BBOX1: variants seen among roughly 807,000 people sequenced by gnomAD.
BBOX1 encodes the protein gamma-butyrobetaine hydroxylase 1.
BBOX1 carries 35 observed loss-of-function variants against 41.6 expected under a neutral mutation model. That is an observed-to-expected ratio of 0.84 (90% CI 0.64 to 1.11). BBOX1 has a LOEUF of 1.11. Among genes scored for constraint, BBOX1 ranks in the 50% most tolerant of loss-of-function variants. The pLI, the probability that BBOX1 is intolerant of heterozygous loss-of-function variation, is 0.00. For synonymous variants in BBOX1, 163 were observed against 154.7 expected, an observed-to-expected ratio of 1.05 and a Z score of -0.40; for missense variants, 458 against 460.6, an observed-to-expected ratio of 0.99 and a Z score of 0.05.
intron 2 of BBOX1, among the ~76,000 whole-genome samples, chr11:27,047,832 T>C (rs1445328): frequency 0.21 from 31,267 of 151,918 alleles, 4,128 homozygotes; most frequent in African/African-American, 0.38. Context: ...GTAAGTGGCA[T>C]AAAGAAAGCA....
chr11:27,109,048 T>C (rs927309245), intron 5 of BBOX1, among the ~76,000 whole-genome samples: 10 of 152,124 alleles, frequency 6.6e-5, no homozygotes, highest in Non-Finnish European at 1.2e-4. Flanking sequence ...AAAGTATTTG[T>C]TGTACTCTAA....
intron 4 of BBOX1, among the ~76,000 whole-genome samples, chr11:27,064,594 CAAAG>C (rs768065466): frequency 6.6e-6 from 1 of 152,012 alleles, no homozygotes; most frequent in Non-Finnish European, 1.5e-5. Context: ...GCCTGCTGCT[CAAAG>C]AAAGACCATG....
At chr11:27,061,139 T>C (rs1175945291) in intron 4 of BBOX1, among the ~76,000 whole-genome samples, 1 of 152,216 alleles carries the variant, frequency 6.6e-6, no homozygotes, top group Non-Finnish European at 1.5e-5. Context: ...AGGAAATACA[T>C]GCCAACTTTT....
At chr11:27,126,966 G>A (rs917540725) in intron 8 of BBOX1, among the ~76,000 whole-genome samples, 1 of 152,058 alleles carries the variant, frequency 6.6e-6, no homozygotes, top group Non-Finnish European at 1.5e-5. Context: ...GAGCCACCGC[G>A]CCCGGCAGAA....
intron 5 of BBOX1, among the ~76,000 whole-genome samples, chr11:27,109,892 G>C (rs966998234): frequency 6.6e-6 from 1 of 151,990 alleles, no homozygotes; most frequent in Non-Finnish European, 1.5e-5. Flanking sequence ...GTCTTATTTT[G>C]TGTGCTCATT....
intron 4 of BBOX1, among the ~76,000 whole-genome samples, chr11:27,073,297 C>A (rs1422965973): frequency 2.0e-5 from 3 of 152,150 alleles, no homozygotes; most frequent in African/African-American, 7.2e-5. Context: ...ATGCAGCCAA[C>A]AGTCACATGA....
chr11:27,100,283 G>GA (rs768527427), intron 5 of BBOX1, among the ~76,000 whole-genome samples: 12 of 152,010 alleles, frequency 7.9e-5, no homozygotes, highest in Non-Finnish European at 1.8e-4. Flanking sequence ...ATTAGAGAAA[G>GA]AAAAAACAAG....
intron 4 of BBOX1, among the ~76,000 whole-genome samples, chr11:27,070,787 A>C (rs1222816355): frequency 2.0e-5 from 3 of 148,498 alleles, no homozygotes; most frequent in Non-Finnish European, 3.0e-5. Flanking sequence ...TTCAATGTTC[A>C]TGTCGAGATG....
chr11:27,067,938 C>G (rs539511705), intron 4 of BBOX1, among the ~76,000 whole-genome samples: 3 of 152,154 alleles, frequency 2.0e-5, no homozygotes, highest in African/African-American at 7.2e-5. Flanking sequence ...GAGTAGTATT[C>G]CATGGTGTGT....
At chr11:27,101,817 T>C (rs975870161) in intron 5 of BBOX1, among the ~76,000 whole-genome samples, 1 of 152,166 alleles carries the variant, frequency 6.6e-6, no homozygotes, top group South Asian at 2.1e-4. Context: ...ATATCCATTC[T>C]TTCACATAGT....
chr11:27,087,385 C>T (rs1858083365), intron 4 of BBOX1, among the ~76,000 whole-genome samples: 1 of 152,068 alleles, frequency 6.6e-6, no homozygotes, highest in African/African-American at 2.4e-5. Context: ...GACCCTCCAC[C>T]AGCAAAAAGA....
chr11:27,060,851 T>C (rs1196932575), intron 4 of BBOX1, among the ~76,000 whole-genome samples: 1 of 152,190 alleles, frequency 6.6e-6, no homozygotes, highest in African/African-American at 2.4e-5. Context: ...AGTTCATTTT[T>C]CCCTGTATCT....
intron 7 of BBOX1, among the ~76,000 whole-genome samples, chr11:27,121,048 G>A (rs984042716): frequency 1.6e-4 from 24 of 152,166 alleles, no homozygotes; most frequent in Admixed American, 1.3e-3. Flanking sequence ...AAGATAAGGG[G>A]AATCTGTAGG....
intron 5 of BBOX1, among the ~76,000 whole-genome samples, chr11:27,113,775 A>G (rs949360387): frequency 6.6e-6 from 1 of 151,372 alleles, no homozygotes; most frequent in Non-Finnish European, 1.5e-5. Flanking sequence ...TACCTATATA[A>G]CAAACTTGCA....
chr11:27,060,578 C>T (rs1253895901), intron 4 of BBOX1, among the ~76,000 whole-genome samples: 1 of 152,184 alleles, frequency 6.6e-6, no homozygotes, highest in Non-Finnish European at 1.5e-5. Flanking sequence ...CCTTTCAAAT[C>T]TGAAATTCTT....
intron 2 of BBOX1, among the ~76,000 whole-genome samples, chr11:27,044,218 G>A (rs1365746510): frequency 6.6e-6 from 1 of 152,074 alleles, no homozygotes; most frequent in Non-Finnish European, 1.5e-5. Flanking sequence ...TTCTTCATAT[G>A]TTTGTTGGCT....
intron 6 of BBOX1, among the ~76,000 whole-genome samples, chr11:27,116,483 A>C (rs934066119): frequency 6.6e-6 from 1 of 150,438 alleles, no homozygotes; most frequent in Non-Finnish European, 1.5e-5. Context: ...AAAAAAAAAA[A>C]ATAATAACTC....
At position 27,078,575 on chromosome 11, in the gene BBOX1, C is replaced by T. The variant is rs148522010; in HGVS notation, c.335-14593C>T. ...AACCATCATTCTCAGCAAACTATCA[C>T]AAGAACAGAAAATCAAACACCACAT... On this transcript the variant is annotated intron_variant, in intron 4 of 8. Coordinates refer to ENST00000263182, the MANE Select transcript of BBOX1 (RefSeq NM_003986.3). Among the ~76,000 whole-genome samples the T allele has an allele frequency of 9.9e-4, 151 of 152,232 alleles. 3 individuals carry two copies. In the East Asian group the frequency reaches 0.023, roughly 24 times the overall value.
intron 4 of BBOX1, among the ~76,000 whole-genome samples, chr11:27,083,114 G>A (rs1342032902): frequency 6.6e-6 from 1 of 152,058 alleles, no homozygotes. Context: ...AAGATTTTAT[G>A]TATTTCTTCA....
Sources: gnomAD v4.1 joint callset for allele counts (sites outside exome capture counted in the v4.1 genomes callset) on GRCh38, gnomAD v4.1.1 for gene constraint, MANE v1.5 for transcripts, NCBI Gene and HGNC (gene_info 2026-07-23, HGNC 2026-07-21) for gene names.